Variants in NFATC1 observed in about 807,000 individuals in gnomAD.
NFATC1 encodes nuclear factor of activated T cells 1, also known as nuclear factor of activated T-cells, cytoplasmic 1.
Under a neutral mutation model 76.0 loss-of-function variants are expected in NFATC1, and 22 were observed. That is an observed-to-expected ratio of 0.29 (90% CI 0.21 to 0.41). The LOEUF (loss-of-function observed/expected upper bound fraction) is 0.41, where lower values mean the gene tolerates loss of function less well. NFATC1 is among the 10% of genes least tolerant of loss of function. NFATC1 has a pLI of 1.00. For missense variants in NFATC1, 1,357 were observed against 1,337.7 expected, an observed-to-expected ratio of 1.01 and a Z score of -0.23; for synonymous variants, 704 against 613.1, an observed-to-expected ratio of 1.15 and a Z score of -2.19.
chr18:79,408,374 A>T (rs754678918), intron 1 of NFATC1, among the ~76,000 whole-genome samples: 1 of 152,216 alleles, frequency 6.6e-6, no homozygotes, highest in Non-Finnish European at 1.5e-5. Flanking sequence ...AGGTTCCAAG[A>T]TGTCATAAAA....
chr18:79,411,551 CGGGGCGGAACGCGGGGAGCGGGACGG>C, intron 2 of NFATC1, 50 bp downstream of exon 2: 2 of 817,178 alleles, frequency 2.4e-6, no homozygotes, highest in African/African-American at 1.8e-5. Flanking sequence ...AGGCGCGGGG[CGGGGCGGAACGCGGGGAGCGGGACGG>C]GGGGCGGCGC....
At chr18:79,439,243 C>A (rs145446254) in intron 3 of NFATC1, among the ~76,000 whole-genome samples, 3 of 152,178 alleles carry the variant, frequency 2.0e-5, no homozygotes, top group Non-Finnish European at 4.4e-5. Flanking sequence ...AACTGGAAAG[C>A]CGGGGAGGGA....
intron 6 of NFATC1, among the ~76,000 whole-genome samples, chr18:79,455,318 G>A (rs1263324635): frequency 2.0e-5 from 3 of 152,352 alleles, no homozygotes; most frequent in South Asian, 2.1e-4. Flanking sequence ...GGGCTGCACG[G>A]GTCTCGTCAG....
chr18:79,439,642 G>T (rs1364925647), intron 3 of NFATC1, among the ~76,000 whole-genome samples: 3 of 152,226 alleles, frequency 2.0e-5, no homozygotes, highest in African/African-American at 7.2e-5. Context: ...AGCCCATGCA[G>T]CTGGGAGAGC....
rs2087492996 is a variant in NFATC1 at position 79,451,938 on chromosome 18, C to G, written c.1903+122C>G. ...CCGGGACGGGGCTTATGGGGTGTGGCACGGAGCAGAGGCTCTGCGTGGCCC... is the reference window on the plus strand; with the variant it reads ...CCGGGACGGGGCTTATGGGGTGTGGGACGGAGCAGAGGCTCTGCGTGGCCC... On this transcript the variant is annotated intron_variant, in intron 6 of 9. Transcript: ENST00000427363. 3.9e-6 allele frequency: 5 copies of G among 1,268,156 alleles called. No individual in the cohort carries two copies. In the South Asian group the frequency reaches 6.5e-5, roughly 16 times the overall value. The allele number at this position is 1,268,156 out of a possible 1,614,324, so 78.6% of individuals were successfully genotyped here. A position where few individuals can be genotyped will look rare whatever the true frequency, so the allele number is the denominator to read the frequency against.
At chr18:79,480,630 G>A (rs565778239) in intron 8 of NFATC1, among the ~76,000 whole-genome samples, 3 of 152,280 alleles carry the variant, frequency 2.0e-5, no homozygotes, top group South Asian at 2.1e-4. Context: ...AAACGGGGCC[G>A]TGTCTGAGCC....
intron 2 of NFATC1, chr18:79,420,812 C>A (rs1042556443): frequency 7.1e-6 from 1 of 141,688 alleles, no homozygotes. Context: ...TTCCAGGTGA[C>A]GTCGCTGCAG....
intron 4 of NFATC1, among the ~76,000 whole-genome samples, chr18:79,450,141 A>G (rs1286673913): frequency 6.6e-6 from 1 of 152,148 alleles, no homozygotes; most frequent in Non-Finnish European, 1.5e-5. Flanking sequence ...CGCAGCCAGG[A>G]CCGCGCTCCA....
chr18:79,491,538 C>G (rs555444320), intron 9 of NFATC1, among the ~76,000 whole-genome samples: 1 of 152,190 alleles, frequency 6.6e-6, no homozygotes, highest in East Asian at 1.9e-4. Context: ...ATGGGCCGAT[C>G]GGACACAAGG....
At chr18:79,501,216 G>A (rs1450144484) in intron 9 of NFATC1, among the ~76,000 whole-genome samples, 1 of 152,030 alleles carries the variant, frequency 6.6e-6, no homozygotes, top group Non-Finnish European at 1.5e-5. Context: ...AATAGAAAAA[G>A]GACAGAAACC....
intron 1 of NFATC1, among the ~76,000 whole-genome samples, chr18:79,407,087 G>A (rs2085469468): frequency 6.6e-6 from 1 of 152,236 alleles, no homozygotes; most frequent in Admixed American, 6.5e-5. Flanking sequence ...GAGCCCCCCA[G>A]GTATCACCAG....
At chr18:79,471,684 C>T (rs762066377) in intron 8 of NFATC1, among the ~76,000 whole-genome samples, 8 of 152,174 alleles carry the variant, frequency 5.3e-5, no homozygotes, top group Admixed American at 4.6e-4. Context: ...TCAGGGGACA[C>T]GCGGTCCAGC....
intron 8 of NFATC1, among the ~76,000 whole-genome samples, chr18:79,475,649 CGTT>C (rs1319925425): frequency 6.6e-6 from 1 of 152,258 alleles, no homozygotes; most frequent in Non-Finnish European, 1.5e-5. Flanking sequence ...TCACTGTCAA[CGTT>C]GTAAACCTGA....
At chr18:79,475,743 A>C (rs982053488) in intron 8 of NFATC1, among the ~76,000 whole-genome samples, 3 of 152,236 alleles carry the variant, frequency 2.0e-5, no homozygotes, top group Non-Finnish European at 4.4e-5. Flanking sequence ...AGTCAGAAGA[A>C]GGGCTCCAAT....
chr18:79,411,223 C>T lies in NFATC1; in HGVS notation c.948C>T (p.Ile316=), dbSNP rs1246653171. Residue 316 remains isoleucine, a synonymous_variant, in exon 2 of 10, where the codon ATC becomes ATT. Transcript: ENST00000427363. ...CCAGCTCGGCCATCGTGGCCGCCAT[C>T]AACGCGCTGACCACCGACAGCAGCC... ...QYTSSAIVAA[I]NALTTDSSLD... The T allele has an allele frequency of 6.2e-7, 1 of 1,605,762 alleles. No individual in the cohort carries two copies. The highest frequency in any genetic ancestry group is 8.5e-7 in the Non-Finnish European group (1 of 1,179,816).
At position 79,430,807 on chromosome 18, in the gene NFATC1, G is replaced by C. The variant is rs576912240; in HGVS notation, c.1227-2772G>C. 3.2e-4 allele frequency among the ~76,000 whole-genome samples: 48 copies of C among 152,288 alleles called. 1 individual carries two copies. Among genetic ancestry groups the C allele is most frequent in the African/African-American group, 1.1e-3 (47 of 41,580 alleles). On this transcript the variant is annotated intron_variant, in intron 2 of 9. Transcript: ENST00000427363. ...TTGGTGCCTGCCTGTCCAGGAGCAG[G>C]TGTGGCCACTGCAGAGGGGCCCTTC...
chr18:79,486,165 C>A, intron 8 of NFATC1, 83 bp from the exon 9 acceptor site: 1 of 1,321,940 alleles, frequency 7.6e-7, no homozygotes, highest in Non-Finnish European at 1.1e-6. Flanking sequence ...GTTGGTTTTG[C>A]GGAGGGTGCC....
intron 1 of NFATC1, among the ~76,000 whole-genome samples, chr18:79,402,884 TCA>T (rs1205650919): frequency 2.0e-5 from 3 of 152,256 alleles, no homozygotes; most frequent in Non-Finnish European, 4.4e-5. Flanking sequence ...AGAAACTACT[TCA>T]CGTTGTTTCT....
chr18:79,519,904 G>A (rs576538519), intron 9 of NFATC1, among the ~76,000 whole-genome samples: 3 of 152,162 alleles, frequency 2.0e-5, no homozygotes, highest in Non-Finnish European at 4.4e-5. Context: ...GCTCGCTGTC[G>A]CTCCTTTGCT....
Sources: allele counts gnomAD v4.1 joint callset (sites outside exome capture counted in the v4.1 genomes callset), GRCh38; gene constraint gnomAD v4.1.1; transcripts MANE v1.5; gene names NCBI Gene and HGNC (gene_info 2026-07-23, HGNC 2026-07-21).